Variants in SNX29 observed in about 807,000 individuals in gnomAD.
The protein encoded by SNX29 is sorting nexin 29, also known as sorting nexin-29.
A neutral mutation model predicts 102.1 loss-of-function variants in SNX29; 78 were observed. The ratio of observed to expected loss-of-function variants is 0.76; its 90% CI spans 0.64 to 0.92. SNX29 has a LOEUF of 0.92. Ranked by LOEUF, SNX29 falls within the 40% of genes least tolerant of loss-of-function variation. The pLI is 0.00. For synonymous variants in SNX29, 580 were observed against 414.5 expected, an observed-to-expected ratio of 1.40 and a Z score of -4.85; for missense variants, 1,280 against 1,061.7, an observed-to-expected ratio of 1.21 and a Z score of -2.86.
At chr16:12,067,564 T>C (rs2051093009) in intron 9 of SNX29, among the ~76,000 whole-genome samples, 2 of 152,234 alleles carry the variant, frequency 1.3e-5, no homozygotes, top group African/African-American at 4.8e-5. Flanking sequence ...CTCAGCTCAC[T>C]GCAACCTCCA....
At chr16:12,278,217 T>C (rs1269889785) in intron 15 of SNX29, among the ~76,000 whole-genome samples, 181 bp downstream of exon 15, 2 of 152,202 alleles carry the variant, frequency 1.3e-5, no homozygotes, top group African/African-American at 4.8e-5. Flanking sequence ...AGCTGATCCT[T>C]TGAAAAATGT....
intron 18 of SNX29, among the ~76,000 whole-genome samples, chr16:12,467,623 A>C (rs62028441): frequency 0.04 from 5,944 of 150,300 alleles, 278 homozygotes; most frequent in East Asian, 0.22. Flanking sequence ...TTCGTTCGTT[A>C]GTTCGTTCGT....
intron 11 of SNX29, among the ~76,000 whole-genome samples, chr16:12,100,719 G>C (rs2141196697): frequency 6.8e-6 from 1 of 146,264 alleles, no homozygotes. Flanking sequence ...GAGGAGATGA[G>C]GCAGAGAAGT....
At chr16:12,290,022 G>A (rs77079003) in intron 15 of SNX29, among the ~76,000 whole-genome samples, 4 of 152,086 alleles carry the variant, frequency 2.6e-5, no homozygotes, top group East Asian at 3.9e-4. Context: ...AGTGGAGAAC[G>A]CTGAGACAGG....
intron 14 of SNX29, among the ~76,000 whole-genome samples, chr16:12,248,798 C>A (rs2078337446): frequency 6.6e-6 from 1 of 151,906 alleles, no homozygotes; most frequent in Non-Finnish European, 1.5e-5. Context: ...TTCTGTGCAG[C>A]TTTTAGCAGC....
intron 3 of SNX29, among the ~76,000 whole-genome samples, chr16:12,014,209 G>GTGTC (rs2056773131): frequency 6.6e-6 from 1 of 152,024 alleles, no homozygotes; most frequent in Non-Finnish European, 1.5e-5. Context: ...GTGATTTCTC[G>GTGTC]TGTCTCATTT....
At chr16:12,521,016 A>G (rs979859054) in intron 19 of SNX29, among the ~76,000 whole-genome samples, 11 of 152,218 alleles carry the variant, frequency 7.2e-5, no homozygotes, top group Admixed American at 2.6e-4. Flanking sequence ...CGTCACTAGT[A>G]AAAATACAAA....
chr16:12,465,046 T>C (rs552950755), intron 18 of SNX29, among the ~76,000 whole-genome samples: 1 of 152,340 alleles, frequency 6.6e-6, no homozygotes, highest in African/African-American at 2.4e-5. Context: ...GTGTGTCTTC[T>C]TTGGAAAAAT....
chr16:12,145,086 T>A (rs992145372), intron 13 of SNX29, among the ~76,000 whole-genome samples: 15 of 152,244 alleles, frequency 9.9e-5, no homozygotes, highest in Admixed American at 9.2e-4. Flanking sequence ...TGCAACTTGG[T>A]TTGCTCACCC....
chr16:12,156,708 C>G (rs981808235), intron 13 of SNX29, among the ~76,000 whole-genome samples: 6 of 152,252 alleles, frequency 3.9e-5, no homozygotes, highest in African/African-American at 1.4e-4. Context: ...TCTCTAGGTC[C>G]TTAGCAAATG....
intron 19 of SNX29, among the ~76,000 whole-genome samples, chr16:12,523,138 A>T (rs932155471): frequency 6.6e-6 from 1 of 152,156 alleles, no homozygotes; most frequent in African/African-American, 2.4e-5. Flanking sequence ...ACCGGGGACC[A>T]GGGCACGTGA....
At chr16:12,034,441 A>T (rs1246403471) in intron 4 of SNX29, among the ~76,000 whole-genome samples, 1 of 152,198 alleles carries the variant, frequency 6.6e-6, no homozygotes, top group Non-Finnish European at 1.5e-5. Context: ...TCAAGGTGAA[A>T]AAAGTGGTTG....
At chr16:12,408,177 C>A (rs76748851) in intron 18 of SNX29, among the ~76,000 whole-genome samples, 68,241 of 132,720 alleles carry the variant, frequency 0.51, 17,714 homozygotes, top group Non-Finnish European at 0.6. Flanking sequence ...AACAAACAAA[C>A]AAAAAAAAAA....
At chr16:12,157,353 G>A (rs986226980) in intron 13 of SNX29, among the ~76,000 whole-genome samples, 4 of 152,134 alleles carry the variant, frequency 2.6e-5, no homozygotes, top group African/African-American at 4.8e-5. Flanking sequence ...GTGAGTAGGC[G>A]ATGTGCACAC....
At chr16:12,044,612 T>C (rs1403692379) in intron 5 of SNX29, among the ~76,000 whole-genome samples, 2 of 152,190 alleles carry the variant, frequency 1.3e-5, no homozygotes, top group Admixed American at 1.3e-4. Context: ...GAAGTCTCGC[T>C]TTTTTGCCTA....
chr16:12,523,213 G>A (rs1003970516), intron 19 of SNX29, among the ~76,000 whole-genome samples: 2 of 152,202 alleles, frequency 1.3e-5, no homozygotes, highest in African/African-American at 4.8e-5. Flanking sequence ...CCAGCTCTGT[G>A]CCTGCACAGG....
At chr16:12,543,995 G>A (rs186962180) in intron 20 of SNX29, among the ~76,000 whole-genome samples, 268 of 152,268 alleles carry the variant, frequency 1.8e-3, no homozygotes, top group Admixed American at 6.0e-3. Flanking sequence ...CACACCATGG[G>A]TTAAATGCAA....
At chr16:12,446,283 T>G (rs538810710) in intron 18 of SNX29, among the ~76,000 whole-genome samples, 3 of 152,320 alleles carry the variant, frequency 2.0e-5, no homozygotes, top group Admixed American at 2.0e-4. Flanking sequence ...CTCGAACTCC[T>G]GACCTCAAGT....
At chr16:12,043,799 G>A (rs745448863) in intron 5 of SNX29, among the ~76,000 whole-genome samples, 19 of 152,084 alleles carry the variant, frequency 1.2e-4, no homozygotes, top group Non-Finnish European at 2.1e-4. Flanking sequence ...TTTTGCCCAG[G>A]CTGGAGTGCA....
Sources: gnomAD v4.1 joint callset for allele counts (sites outside exome capture counted in the v4.1 genomes callset) on GRCh38, gnomAD v4.1.1 for gene constraint, MANE v1.5 for transcripts, NCBI Gene and HGNC (gene_info 2026-07-23, HGNC 2026-07-21) for gene names.